The following CALD1 variants were observed in gnomAD, a reference collection of about 807,000 sequenced individuals.
CALD1 encodes the protein caldesmon.
A neutral mutation model predicts 99.9 loss-of-function variants in CALD1; 33 were observed. That is an observed-to-expected ratio of 0.33 (90% CI 0.25 to 0.44). The LOEUF (loss-of-function observed/expected upper bound fraction) is 0.44. Ranked by LOEUF, CALD1 falls within the 20% of genes least tolerant of loss-of-function variation. CALD1 has a pLI of 1.00. For synonymous variants in CALD1, 310 were observed against 325.0 expected, an observed-to-expected ratio of 0.95 and a Z score of 0.50; for missense variants, 861 against 962.1, an observed-to-expected ratio of 0.89 and a Z score of 1.39.
intron 1 of CALD1, among the ~76,000 whole-genome samples, chr7:134,802,095 G>C (rs954759300): frequency 7.6e-6 from 1 of 131,954 alleles, no homozygotes; most frequent in African/African-American, 2.7e-5. Context: ...ATATATATGT[G>C]TATGTATGTG....
At chr7:134,916,481 T>C (rs1197350302) in intron 3 of CALD1, among the ~76,000 whole-genome samples, 2 of 151,944 alleles carry the variant, frequency 1.3e-5, no homozygotes, top group African/African-American at 2.4e-5. Context: ...GAGGGAAAGA[T>C]CATAAAAGGC....
Position 134,970,197 on chromosome 7 carries a change from C to T in CALD1, c.*1852C>T, listed in dbSNP as rs886772385. 6.6e-6 allele frequency: 1 copy of T among 152,184 alleles called. No individual in the cohort carries two copies. The highest frequency in any genetic ancestry group is 2.4e-5 in the African/African-American group (1 of 41,452). The allele number at this position is 152,184 out of a possible 1,614,324, so 9.4% of individuals were successfully genotyped here. ...AATCAGAATTTACAAATACAAGTGT[C>T]CCAGGTAGCATTGACTCCCGTCATT... On this transcript the variant is annotated 3_prime_UTR_variant, in exon 15 of 15. Coordinates refer to ENST00000361675, the MANE Select transcript of CALD1 (RefSeq NM_033138.4).
At chr7:134,764,538 A>C (rs2131606187) in intron 1 of CALD1, among the ~76,000 whole-genome samples, 1 of 152,150 alleles carries the variant, frequency 6.6e-6, no homozygotes, top group Admixed American at 6.5e-5. Flanking sequence ...TTATTCATTG[A>C]TTAATTAGTT....
At chr7:134,743,640 A>G (rs145796217), upstream of CALD1, among the ~76,000 whole-genome samples, 34 of 152,348 alleles carry the variant, frequency 2.2e-4, no homozygotes, top group African/African-American at 6.7e-4. Flanking sequence ...CATAAGCAGC[A>G]TGTGCTGGAT....
At chr7:134,964,637 G>A (rs989110749) in intron 13 of CALD1, among the ~76,000 whole-genome samples, 8 of 152,130 alleles carry the variant, frequency 5.3e-5, no homozygotes, top group African/African-American at 1.9e-4. Context: ...TCAGGCTGGT[G>A]TGCACTAAAG....
chr7:134,742,016 T>TAC (rs112633191), upstream of CALD1, among the ~76,000 whole-genome samples: 8,080 of 147,916 alleles, frequency 0.055, 237 homozygotes, highest in African/African-American at 0.092. Context: ...GAGGTATTGA[T>TAC]ACACACACAC....
At chr7:134,944,221 C>T (rs1270292879) in intron 7 of CALD1, among the ~76,000 whole-genome samples, 2 of 152,094 alleles carry the variant, frequency 1.3e-5, no homozygotes, top group African/African-American at 4.8e-5. Context: ...TAAAAGTTTA[C>T]CTGTAACTGG....
intron 3 of CALD1, among the ~76,000 whole-genome samples, chr7:134,914,259 G>GA (rs1804039937): frequency 6.6e-6 from 1 of 152,178 alleles, no homozygotes; most frequent in Admixed American, 6.5e-5. Context: ...ATTCCATTCT[G>GA]AAAAATGTAA....
At chr7:134,765,208 T>A (rs10253403) in intron 1 of CALD1, among the ~76,000 whole-genome samples, 2 of 151,356 alleles carry the variant, frequency 1.3e-5, no homozygotes, top group Non-Finnish European at 2.9e-5. Context: ...CCAGTTACTC[T>A]GGAGGCTGAA....
chr7:134,932,186 C>A (rs1805571418), intron 4 of CALD1, among the ~76,000 whole-genome samples: 1 of 152,130 alleles, frequency 6.6e-6, no homozygotes, highest in African/African-American at 2.4e-5. Context: ...GGAGAGGGTG[C>A]AAATTTAATC....
At chr7:134,915,156 T>G (rs1276148778) in intron 3 of CALD1, among the ~76,000 whole-genome samples, 1 of 152,206 alleles carries the variant, frequency 6.6e-6, no homozygotes, top group Non-Finnish European at 1.5e-5. Context: ...TGCCACCTCC[T>G]CCTCAGAACC....
chr7:134,789,248 C>T (rs1021678451), intron 1 of CALD1, among the ~76,000 whole-genome samples: 4 of 152,032 alleles, frequency 2.6e-5, no homozygotes, highest in African/African-American at 7.2e-5. Flanking sequence ...AACTGAGTTA[C>T]GATTAGATTA....
intron 9 of CALD1, among the ~76,000 whole-genome samples, chr7:134,955,931 CGGAT>C (rs1807734244): frequency 1.3e-5 from 2 of 152,106 alleles, no homozygotes; most frequent in South Asian, 4.2e-4. Flanking sequence ...GACGGACGGA[CGGAT>C]GGGTAATATT....
Position 134,892,270 on chromosome 7 carries a change from CTG to C in CALD1, c.71+24468_71+24469del, listed in dbSNP as rs574384279. The stretch of plus-strand genomic sequence containing the variant: ...GGCCTTTAGACTCTTTGGTGCAATG[CTG>C]TCTTTCAATAGGCAGGGAAACAGAA... On this transcript the variant is annotated intron_variant, in intron 3 of 14. Coordinates refer to ENST00000361675, the MANE Select transcript of CALD1 (RefSeq NM_033138.4). Among the ~76,000 whole-genome samples the C allele has an allele frequency of 3.3e-5, 5 of 152,272 alleles. No homozygotes were observed. In the East Asian group the frequency reaches 5.8e-4, roughly 18 times the overall value.
intron 1 of CALD1, among the ~76,000 whole-genome samples, chr7:134,791,001 T>C (rs1797506549): frequency 6.7e-6 from 1 of 149,248 alleles, no homozygotes; most frequent in Admixed American, 6.7e-5. Flanking sequence ...AAGGACTGTA[T>C]TTCTCTGTCC....
At chr7:134,735,004 G>A in the CALD1 span, 1 of 254,744 alleles carries the variant, frequency 3.9e-6, no homozygotes, top group South Asian at 6.2e-5. Flanking sequence ...ATTGCACTTG[G>A]CCTCAGTGAA....
At chr7:134,896,118 T>A (rs4576376) in intron 3 of CALD1, among the ~76,000 whole-genome samples, 1 of 151,964 alleles carries the variant, frequency 6.6e-6, no homozygotes, top group East Asian at 1.9e-4. Flanking sequence ...TTAGACTGTG[T>A]GGTCCAACCC....
At chr7:134,947,967 C>A (rs1807033771) in intron 8 of CALD1, 198 bp downstream of exon 8, 1 of 572,314 alleles carries the variant, frequency 1.7e-6, no homozygotes, top group Non-Finnish European at 3.0e-6. Flanking sequence ...AGGTACTAAT[C>A]CCCATTTTAC....
chr7:134,936,813 T>G lies in CALD1; in HGVS notation c.1386+1048T>G, dbSNP rs116953307. On this transcript the variant is annotated intron_variant, in intron 6 of 14. Coordinates refer to ENST00000361675, the MANE Select transcript of CALD1 (RefSeq NM_033138.4). Reference sequence around the variant, plus strand: ...CCTCTGTTTCTAATAGAAGTTGTGGTGGTTTGGAAGTGAAAATTGAATGTG... The same window carrying G: ...CCTCTGTTTCTAATAGAAGTTGTGGGGGTTTGGAAGTGAAAATTGAATGTG... Among the ~76,000 whole-genome samples the G allele has an allele frequency of 1.1e-3, 173 of 152,234 alleles. 2 individuals are homozygous for G. In the East Asian group the frequency reaches 0.027, roughly 24 times the overall value.
Sources: allele counts gnomAD v4.1 joint callset (sites outside exome capture counted in the v4.1 genomes callset), GRCh38; gene constraint gnomAD v4.1.1; transcripts MANE v1.5; gene names NCBI Gene and HGNC (gene_info 2026-07-23, HGNC 2026-07-21).